ADGRL3: variants seen among roughly 807,000 people sequenced by gnomAD.
ADGRL3 encodes adhesion G protein-coupled receptor L3, also known as calcium-independent alpha-latrotoxin receptor 3.
Under a neutral mutation model 153.5 loss-of-function variants are expected in ADGRL3, and 62 were observed. The observed-to-expected ratio is 0.40, with a 90% CI of 0.33 to 0.50. The LOEUF (loss-of-function observed/expected upper bound fraction) is 0.50. ADGRL3 is among the 20% of genes least tolerant of loss of function. ADGRL3 has a pLI of 0.47. For missense variants in ADGRL3, 1,641 were observed against 1,859.4 expected (o/e 0.88, Z 2.16); for synonymous variants, 710 against 672.5 (o/e 1.06, Z -0.86).
Position 61,220,949 on chromosome 4 carries a change from A to T in ADGRL3, c.-240+19184A>T, listed in dbSNP as rs1453692291. Among the ~76,000 whole-genome samples, 6 of 152,206 alleles carry T rather than the reference A, an allele frequency of 3.9e-5. No homozygotes were observed. In the East Asian group the frequency reaches 7.7e-4, roughly 20 times the overall value. On this transcript the variant is annotated intron_variant, in intron 1 of 26. Coordinates refer to ENST00000683033, the MANE Select transcript of ADGRL3 (RefSeq NM_001387552.1). Reference sequence around the variant, plus strand: ...ATGGACTGTAAAATACAGTTTGCATACTTTTCATTTTAGGACAGACATAGT... The same window carrying T: ...ATGGACTGTAAAATACAGTTTGCATTCTTTTCATTTTAGGACAGACATAGT...
At chr4:61,359,396 A>G (rs991436169) in intron 1 of ADGRL3, among the ~76,000 whole-genome samples, 1 of 152,202 alleles carries the variant, frequency 6.6e-6, no homozygotes, top group African/African-American at 2.4e-5. Flanking sequence ...TACTTCTACC[A>G]GAATTAGGAT....
rs745875034 is a variant in ADGRL3 at position 62,070,321 on chromosome 4, C to T, written c.4045C>T (p.His1349Tyr). Residue 1349 changes from histidine to tyrosine, a missense_variant, in exon 27 of 27, where the codon CAT becomes TAT. His to Tyr is a moderately conservative substitution (Grantham distance 83, BLOSUM62 2). Transcript: ENST00000683033. ...SNYIPSYLNNHERSSEQNRNL... is the reference protein window; with the variant it reads ...SNYIPSYLNNYERSSEQNRNL... ...CTATATCCCTTCTTACCTGAACAACCATGAGCGCTCCAGTGAACAGAACAG... is the reference window on the plus strand; with the variant it reads ...CTATATCCCTTCTTACCTGAACAACTATGAGCGCTCCAGTGAACAGAACAG... 6 of 1,554,736 alleles carry T rather than the reference C, an allele frequency of 3.9e-6. No homozygotes were observed. In the East Asian group the frequency reaches 9.7e-5, roughly 25 times the overall value.
At chr4:61,393,223 G>A (rs1178426204) in intron 2 of ADGRL3, among the ~76,000 whole-genome samples, 2 of 152,058 alleles carry the variant, frequency 1.3e-5, no homozygotes, top group African/African-American at 2.4e-5. Context: ...TTGGGTCATT[G>A]AGAAGAAAAA....
At chr4:61,830,666 A>G (rs1052937873) in intron 9 of ADGRL3, among the ~76,000 whole-genome samples, 1 of 152,166 alleles carries the variant, frequency 6.6e-6, no homozygotes, top group Admixed American at 6.5e-5. Context: ...CAATTAAACT[A>G]TTTGACCAGC....
intron 2 of ADGRL3, among the ~76,000 whole-genome samples, chr4:61,453,767 G>A (rs2097702701): frequency 6.6e-6 from 1 of 152,034 alleles, no homozygotes; most frequent in African/African-American, 2.4e-5. Flanking sequence ...AATTATAATT[G>A]TCCATTTCTT....
At chr4:61,980,582 G>A (rs1226521497) in intron 18 of ADGRL3, among the ~76,000 whole-genome samples, 1 of 151,850 alleles carries the variant, frequency 6.6e-6, no homozygotes, top group African/African-American at 2.4e-5. Context: ...TGGGACTACA[G>A]GCATTTGCCA....
At position 61,684,506 on chromosome 4, in the gene ADGRL3, G is replaced by GGAA. The variant is rs2095407248; in HGVS notation, c.583+7578_583+7580dup. On this transcript the variant is annotated intron_variant, in intron 6 of 26. Transcript: ENST00000683033. ...TCCAGTAGTGGAGTATTGTTACCAA[G>GGAA]GAAGAAGAATGGGCTGGCAAAGAGC... 2.0e-5 allele frequency among the ~76,000 whole-genome samples: 3 copies of GGAA among 151,994 alleles called. No individual in the cohort carries two copies. In the South Asian group the frequency reaches 6.2e-4, roughly 32 times the overall value.
At position 61,604,385 on chromosome 4, in the gene ADGRL3, G is replaced by A. The variant is rs76203600; in HGVS notation, c.473+16945G>A. Among the ~76,000 whole-genome samples, 681 of 152,154 alleles carry A rather than the reference G, an allele frequency of 4.5e-3. 7 individuals are homozygous for A. Among genetic ancestry groups the A allele is most frequent in the Non-Finnish European group, 3.5e-3 (241 of 68,000 alleles). ...TTATTTTGAAATTATTTAATTTCTG[G>A]TATTATTGCTCTGGAATAAAATGCC... On this transcript the variant is annotated intron_variant, in intron 5 of 26. Coordinates refer to ENST00000683033, the MANE Select transcript of ADGRL3 (RefSeq NM_001387552.1).
At chr4:61,601,160 G>A (rs2099010023) in intron 5 of ADGRL3, among the ~76,000 whole-genome samples, 1 of 152,034 alleles carries the variant, frequency 6.6e-6, no homozygotes, top group Non-Finnish European at 1.5e-5. Context: ...CTATGAATTT[G>A]AGTCATTGTG....
chr4:61,706,581 A>G (rs919176045), intron 6 of ADGRL3, among the ~76,000 whole-genome samples: 1 of 152,122 alleles, frequency 6.6e-6, no homozygotes, highest in Non-Finnish European at 1.5e-5. Context: ...TTTTAAAATT[A>G]TGGAGACAGC....
chr4:61,826,968 A>G (rs2097810985), intron 9 of ADGRL3, among the ~76,000 whole-genome samples: 1 of 152,106 alleles, frequency 6.6e-6, no homozygotes, highest in African/African-American at 2.4e-5. Flanking sequence ...TTCTCCGAAG[A>G]TTCCGTTTCG....
At chr4:61,930,392 A>C (rs1180363376) in intron 13 of ADGRL3, among the ~76,000 whole-genome samples, 1 of 152,110 alleles carries the variant, frequency 6.6e-6, no homozygotes, top group Non-Finnish European at 1.5e-5. Context: ...TATTTTGTGT[A>C]TTCTTCCTGA....
intron 1 of ADGRL3, among the ~76,000 whole-genome samples, chr4:61,375,148 T>C (rs2096588511): frequency 6.6e-6 from 1 of 152,054 alleles, no homozygotes; most frequent in Non-Finnish European, 1.5e-5. Flanking sequence ...TTGGTAACTC[T>C]TAAAAAAAAA....
Position 61,231,247 on chromosome 4 carries a change from T to C in ADGRL3, c.-240+29482T>C, listed in dbSNP as rs1750524029. Among the ~76,000 whole-genome samples, 4 of 152,170 alleles carry C rather than the reference T, an allele frequency of 2.6e-5. No homozygotes were observed. The South Asian group carries it at 8.3e-4, about 32-fold the overall frequency. ...ATTATCTCATACGAATTTTTATTTT[T>C]TTGGATTTAGCAATGTTCATATTCT... On this transcript the variant is annotated intron_variant, in intron 1 of 26. Transcript: ENST00000683033.
chr4:61,637,006 T>G (rs751798040), intron 5 of ADGRL3, among the ~76,000 whole-genome samples: 16 of 152,130 alleles, frequency 1.1e-4, no homozygotes, highest in Non-Finnish European at 2.1e-4. Context: ...TAGTGGACTA[T>G]TTTTTGAAAG....
chr4:61,725,676 A>T (rs1039001298), intron 6 of ADGRL3, among the ~76,000 whole-genome samples: 1 of 151,918 alleles, frequency 6.6e-6, no homozygotes, highest in Non-Finnish European at 1.5e-5. Flanking sequence ...TTAATGAATG[A>T]ATATTATACC....
At chr4:61,815,633 T>A (rs1404003680) in intron 9 of ADGRL3, among the ~76,000 whole-genome samples, 1 of 152,252 alleles carries the variant, frequency 6.6e-6, no homozygotes. Context: ...AATGTTTGTA[T>A]CCCTGCCAAA....
At chr4:61,747,731 A>G (rs1308327776) in intron 8 of ADGRL3, among the ~76,000 whole-genome samples, 18 of 149,440 alleles carry the variant, frequency 1.2e-4, no homozygotes, top group African/African-American at 4.0e-4. Flanking sequence ...GCTATCTATG[A>G]CAAACCCACA....
intron 1 of ADGRL3, among the ~76,000 whole-genome samples, chr4:61,215,313 A>G (rs1019138047): frequency 6.6e-6 from 1 of 152,168 alleles, no homozygotes; most frequent in African/African-American, 2.4e-5. Flanking sequence ...ACCTAGAAAA[A>G]ACAAGTGAAC....
Sources: gnomAD v4.1 joint callset for allele counts (sites outside exome capture counted in the v4.1 genomes callset) on GRCh38, gnomAD v4.1.1 for gene constraint, MANE v1.5 for transcripts, NCBI Gene and HGNC (gene_info 2026-07-23, HGNC 2026-07-21) for gene names.